Variants in SLA observed in about 807,000 individuals in gnomAD.
SLA encodes Src like adaptor.
In SLA, 16 loss-of-function variants were observed where a neutral mutation model predicts 30.3. That is an observed-to-expected ratio of 0.53 (90% confidence interval 0.36 to 0.80). The LOEUF is 0.80. Among genes scored for constraint, SLA ranks in the 30% least tolerant of loss-of-function variants. The probability of loss-of-function intolerance (pLI) is 0.01; values close to 1 mark genes in which losing one functional copy is unlikely to be tolerated. For synonymous variants in SLA, 143 were observed against 137.8 expected (o/e 1.04, Z -0.26); for missense variants, 310 against 345.2 (o/e 0.90, Z 0.81).
In SLA at chr8:133,047,950, C is replaced by G. The variant is rs1839764082; in HGVS notation, c.249-17G>C. 6.6e-7 allele frequency: 1 copy of G among 1,516,524 alleles called. No individual in the cohort carries two copies. The highest frequency in any genetic ancestry group is 9.1e-7 in the Non-Finnish European group (1 of 1,093,968). 93.9% of individuals were successfully genotyped at this position (1,516,524 alleles called of 1,614,324 possible). ...AACAGCCAGCTGGGAAGGAGGAAGA[C>G]AGCCATTAGGATCCGGAACAAGCCC... On this transcript the variant is annotated splice_polypyrimidine_tract_variant and intron_variant, in intron 5 of 8. Transcript: ENST00000338087.
At chr8:133,093,746 C>T (rs1294201348) in intron 1 of SLA, among the ~76,000 whole-genome samples, 1 of 152,206 alleles carries the variant, frequency 6.6e-6, no homozygotes, top group Non-Finnish European at 1.5e-5. Context: ...CACCACCTTT[C>T]ATCAGGAACC....
chr8:133,067,010 G>A (rs974873865), intron 2 of SLA, among the ~76,000 whole-genome samples: 4 of 152,124 alleles, frequency 2.6e-5, no homozygotes, highest in Non-Finnish European at 5.9e-5. Context: ...CCATTTTCCC[G>A]CCGTGACTGT....
chr8:133,066,678 C>A (rs1843082687), intron 2 of SLA, among the ~76,000 whole-genome samples: 1 of 152,186 alleles, frequency 6.6e-6, no homozygotes, highest in Non-Finnish European at 1.5e-5. Context: ...ATTCCAGCTC[C>A]CAACCTACTG....
At chr8:133,070,014 AAAAAAAAAAAAAG>A (rs1238171024) in intron 2 of SLA, among the ~76,000 whole-genome samples, 25,649 of 140,006 alleles carry the variant, frequency 0.18, 3,564 homozygotes, top group Non-Finnish European at 0.24. Flanking sequence ...AAAAAAAAAA[AAAAAAAAAAAAAG>A]AAAGAAAGAA....
At chr8:133,094,782 A>G in intron 1 of SLA, 1 of 553,776 alleles carries the variant, frequency 1.8e-6, no homozygotes, top group South Asian at 2.0e-5. Flanking sequence ...TGCACAGCCA[A>G]GACTGAAGGT....
Position 133,045,005 on chromosome 8 carries a change from C to T in SLA, c.463G>A (p.Asp155Asn), listed in dbSNP as rs1839041326. 1 of 1,614,106 alleles carries T rather than the reference C, an allele frequency of 6.2e-7. No individual in the cohort carries two copies. The highest frequency in any genetic ancestry group is 8.5e-7 in the Non-Finnish European group (1 of 1,180,052). ...TTACCAGAATAGTGGTTCACCAGGT[C>T]CTCCAGGCACTGGAAGGTGAGCCTC... ...SPRLTFQCLEDLVNHYSEVAD... is the reference protein window; with the variant it reads ...SPRLTFQCLENLVNHYSEVAD... The change falls in exon 7 of 9, where the codon GAC becomes AAC. Residue 155 changes from aspartate (D) to asparagine (N), a missense_variant. Asp to Asn is a conservative substitution (Grantham distance 23). Coordinates refer to ENST00000338087, the MANE Select transcript of SLA (RefSeq NM_001045556.3).
intron 2 of SLA, among the ~76,000 whole-genome samples, chr8:133,074,564 T>C (rs1844574676): frequency 6.6e-6 from 1 of 152,206 alleles, no homozygotes; most frequent in African/African-American, 2.4e-5. Context: ...AATTATCCTT[T>C]GTAAGAAGCC....
chr8:133,062,323 G>A (rs1842480360), intron 2 of SLA, among the ~76,000 whole-genome samples: 1 of 152,230 alleles, frequency 6.6e-6, no homozygotes, highest in South Asian at 2.1e-4. Flanking sequence ...CAGTCCAGGA[G>A]GGCAGGGATA....
At chr8:133,085,258 T>G (rs1277926707) in intron 1 of SLA, among the ~76,000 whole-genome samples, 1 of 152,198 alleles carries the variant, frequency 6.6e-6, no homozygotes. Flanking sequence ...TATCTATCTA[T>G]AGAATGCAAG....
rs536227737 is a variant in SLA at position 133,038,900 on chromosome 8, T to C, written c.618-163A>G. Among the ~76,000 whole-genome samples the C allele has an allele frequency of 3.3e-5, 5 of 152,340 alleles. No individual in the cohort carries two copies. In the South Asian group the frequency reaches 8.3e-4, roughly 25 times the overall value. On this transcript the variant is annotated intron_variant, in intron 8 of 8. Coordinates refer to ENST00000338087, the MANE Select transcript of SLA (RefSeq NM_001045556.3). ...TTATTTTTCTTTATTTATTTTAAGATGGAGTCTCGCTCTGTTGCCCAGGCT... is the reference window on the plus strand; with the variant it reads ...TTATTTTTCTTTATTTATTTTAAGACGGAGTCTCGCTCTGTTGCCCAGGCT...
chr8:133,071,005 A>G (rs1459426048), intron 2 of SLA, among the ~76,000 whole-genome samples: 1 of 151,864 alleles, frequency 6.6e-6, no homozygotes, highest in East Asian at 1.9e-4. Context: ...GGGCCAATCA[A>G]CTCCCCTGAG....
At chr8:133,088,790 C>G (rs138193270) in intron 1 of SLA, among the ~76,000 whole-genome samples, 1 of 152,036 alleles carries the variant, frequency 6.6e-6, no homozygotes, top group Non-Finnish European at 1.5e-5. Flanking sequence ...GATTTCAAGA[C>G]GAATTGTATT....
chr8:133,072,020 C>T (rs528227298), intron 2 of SLA, among the ~76,000 whole-genome samples: 1 of 152,280 alleles, frequency 6.6e-6, no homozygotes, highest in African/African-American at 2.4e-5. Flanking sequence ...TCCAGGGAAG[C>T]CTGGACCGTC....
chr8:133,051,215 G>A lies in SLA; in HGVS notation c.62-300C>T, dbSNP rs1271875907. Among the ~76,000 whole-genome samples the A allele has an allele frequency of 3.3e-5, 5 of 152,288 alleles. No individual in the cohort carries two copies. The South Asian group carries it at 8.3e-4, about 25-fold the overall frequency. On this transcript the variant is annotated intron_variant, in intron 3 of 8. Transcript: ENST00000338087. ...ATGAGTCATGGGGTCTGGCTTCAGC[G>A]CCTGTTACGAGTCTACTAGCCTCAC...
intron 7 of SLA, 107 bp from the exon 8 acceptor site, chr8:133,040,237 G>C (rs1424925707): frequency 4.0e-6 from 5 of 1,258,598 alleles, no homozygotes; most frequent in South Asian, 1.4e-5. Flanking sequence ...TGCTGCCATG[G>C]GGAACTGGGC....
At chr8:133,058,264 G>A (rs1252615004) in intron 3 of SLA, among the ~76,000 whole-genome samples, 1 of 152,130 alleles carries the variant, frequency 6.6e-6, no homozygotes, top group Non-Finnish European at 1.5e-5. Context: ...TGAAAAAGCA[G>A]CCCACCAGCG....
chr8:133,045,951 A>T (rs1465983835), intron 6 of SLA, among the ~76,000 whole-genome samples: 1 of 152,052 alleles, frequency 6.6e-6, no homozygotes, highest in East Asian at 1.9e-4. Flanking sequence ...ACTCTCTCTG[A>T]CTTATGCTTA....
intron 2 of SLA, among the ~76,000 whole-genome samples, chr8:133,066,003 C>A (rs746296677): frequency 1.5e-4 from 23 of 152,114 alleles, no homozygotes; most frequent in Non-Finnish European, 2.6e-4. Flanking sequence ...TTGAGGCATG[C>A]TGTGGTCAAA....
intron 1 of SLA, among the ~76,000 whole-genome samples, chr8:133,101,820 T>C (rs1213815760): frequency 6.6e-6 from 1 of 151,990 alleles, no homozygotes; most frequent in African/African-American, 2.4e-5. Flanking sequence ...TCAGGTGCCA[T>C]TGGGCCCCAT....
Sources: allele counts gnomAD v4.1 joint callset (sites outside exome capture counted in the v4.1 genomes callset), GRCh38; gene constraint gnomAD v4.1.1; transcripts MANE v1.5; gene names NCBI Gene and HGNC (gene_info 2026-07-23, HGNC 2026-07-21).